Variants in GGACT observed in about 807,000 individuals in gnomAD.
The protein encoded by GGACT is gamma-glutamylamine cyclotransferase.
For missense variants in GGACT, 241 were observed against 233.2 expected (o/e 1.03, Z -0.22); for synonymous variants, 118 against 115.3 (o/e 1.02, Z -0.15).
chr13:100,550,074 C>G (rs78514926), intron 2 of GGACT, among the ~76,000 whole-genome samples: 56 of 152,190 alleles, frequency 3.7e-4, no homozygotes, highest in Non-Finnish European at 7.1e-4. Flanking sequence ...GAAGGCAATT[C>G]GGCATGTGTC....
intron 2 of GGACT, chr13:100,580,002 C>T (rs75738454): frequency 1.3e-5 from 2 of 152,366 alleles, no homozygotes; most frequent in East Asian, 3.9e-4. Flanking sequence ...CCAAAGCCCC[C>T]TCCCTTCAGC....
chr13:100,568,999 A>G (rs1020961442), intron 2 of GGACT, among the ~76,000 whole-genome samples: 1 of 152,260 alleles, frequency 6.6e-6, no homozygotes, highest in African/African-American at 2.4e-5. Flanking sequence ...CTGATGCAAG[A>G]GGTGGGCTCT....
chr13:100,574,505 G>C (rs1057285701), intron 2 of GGACT, among the ~76,000 whole-genome samples: 1 of 152,204 alleles, frequency 6.6e-6, no homozygotes, highest in Non-Finnish European at 1.5e-5. Flanking sequence ...GAACCTGGGA[G>C]GCAGAGGTTG....
intron 2 of GGACT, among the ~76,000 whole-genome samples, chr13:100,569,707 G>A (rs1268345030): frequency 6.6e-6 from 1 of 152,188 alleles, no homozygotes; most frequent in Non-Finnish European, 1.5e-5. Context: ...TTTCTCCCCA[G>A]AAAATAAGTT....
At chr13:100,561,419 T>C (rs566454328) in intron 2 of GGACT, among the ~76,000 whole-genome samples, 2 of 152,338 alleles carry the variant, frequency 1.3e-5, no homozygotes, top group Non-Finnish European at 2.9e-5. Context: ...GTTTCTATCA[T>C]AAAGTTAATA....
intron 2 of GGACT, chr13:100,536,782 G>C (rs774830109): frequency 6.6e-6 from 1 of 152,244 alleles, no homozygotes; most frequent in African/African-American, 2.4e-5. Flanking sequence ...CTTGTTTTCA[G>C]GGTGCCACCT....
chr13:100,538,842 C>T (rs1449470306), intron 2 of GGACT: 2 of 152,242 alleles, frequency 1.3e-5, no homozygotes, highest in Non-Finnish European at 2.9e-5. Context: ...TATTGTCTTC[C>T]AATCCATGAA....
At chr13:100,573,786 A>C (rs1015989019) in intron 2 of GGACT, among the ~76,000 whole-genome samples, 1 of 152,078 alleles carries the variant, frequency 6.6e-6, no homozygotes, top group Non-Finnish European at 1.5e-5. Context: ...GCCAACAAAC[A>C]TACCCAAAAA....
At chr13:100,544,551 G>T (rs988856843) in intron 2 of GGACT, among the ~76,000 whole-genome samples, 1 of 152,180 alleles carries the variant, frequency 6.6e-6, no homozygotes, top group African/African-American at 2.4e-5. Flanking sequence ...CCGGTAAAAC[G>T]CTGGCGCCTT....
chr13:100,562,193 G>A (rs756744709), intron 2 of GGACT, among the ~76,000 whole-genome samples: 4 of 152,136 alleles, frequency 2.6e-5, no homozygotes, highest in South Asian at 2.1e-4. Context: ...TCTATAAAAC[G>A]GCAAGCCCCT....
At chr13:100,549,643 A>G (rs2088639012) in intron 2 of GGACT, among the ~76,000 whole-genome samples, 1 of 152,274 alleles carries the variant, frequency 6.6e-6, no homozygotes, top group Non-Finnish European at 1.5e-5. Context: ...TTTGGTAGTA[A>G]TAACAGGTTT....
intron 2 of GGACT, among the ~76,000 whole-genome samples, chr13:100,574,719 A>G (rs1290420408): frequency 6.6e-6 from 1 of 152,168 alleles, no homozygotes; most frequent in Admixed American, 6.6e-5. Context: ...AAAATGACCC[A>G]CTGAGTACTA....
At chr13:100,547,229 A>T (rs906539783) in intron 2 of GGACT, among the ~76,000 whole-genome samples, 1 of 152,066 alleles carries the variant, frequency 6.6e-6, no homozygotes, top group African/African-American at 2.4e-5. Flanking sequence ...GCCAGGCGGG[A>T]TGTAATCAGC....
At chr13:100,570,837 T>C (rs1169417311) in intron 2 of GGACT, among the ~76,000 whole-genome samples, 3 of 152,140 alleles carry the variant, frequency 2.0e-5, no homozygotes, top group African/African-American at 2.4e-5. Context: ...GGTGCTGCTA[T>C]AAGGATACCC....
intron 2 of GGACT, among the ~76,000 whole-genome samples, chr13:100,548,216 G>C (rs1188450836): frequency 6.6e-6 from 1 of 152,226 alleles, no homozygotes; most frequent in Admixed American, 6.5e-5. Flanking sequence ...CATTTTTCTA[G>C]AGCATGGCTG....
At chr13:100,532,645 T>A (rs1316986842) in intron 2 of GGACT, 44 bp from the exon 3 acceptor site, 1 of 1,442,410 alleles carries the variant, frequency 6.9e-7, no homozygotes, top group East Asian at 2.5e-5. Flanking sequence ...CAGTGGGAGC[T>A]CTGTGTCTGC....
At chr13:100,541,201 G>T (rs1442374134) in intron 2 of GGACT, among the ~76,000 whole-genome samples, 1 of 152,216 alleles carries the variant, frequency 6.6e-6, no homozygotes, top group Non-Finnish European at 1.5e-5. Context: ...ATCAGACACA[G>T]TGTGAGCCCA....
At chr13:100,562,795 CAA>C (rs201672312) in intron 2 of GGACT, among the ~76,000 whole-genome samples, 55,654 of 123,336 alleles carry the variant, frequency 0.45, 11,107 homozygotes, top group Middle Eastern at 0.53. Flanking sequence ...GACAATGTCT[CAA>C]AAAAAAAAAA....
At chr13:100,547,591 C>T (rs980993864) in intron 2 of GGACT, among the ~76,000 whole-genome samples, 3 of 152,208 alleles carry the variant, frequency 2.0e-5, no homozygotes, top group African/African-American at 7.2e-5. Flanking sequence ...TTCATAGCCC[C>T]GAATCAGAAG....
Sources: gnomAD v4.1 joint callset for allele counts (sites outside exome capture counted in the v4.1 genomes callset) on GRCh38, gnomAD v4.1.1 for gene constraint, MANE v1.5 for transcripts, NCBI Gene and HGNC (gene_info 2026-07-23, HGNC 2026-07-21) for gene names.